Variants in PACS1 observed in about 807,000 individuals in gnomAD.
PACS1 encodes the protein phosphofurin acidic cluster sorting protein 1.
PACS1 carries 24 observed loss-of-function variants against 115.0 expected under a neutral mutation model. The ratio of observed to expected loss-of-function variants is 0.21; its 90% confidence interval spans 0.15 to 0.29. The LOEUF is 0.29. PACS1 is among the 10% of genes least tolerant of loss of function. PACS1 has a pLI of 1.00. For synonymous variants in PACS1, 453 were observed against 504.5 expected, an observed-to-expected ratio of 0.90 and a Z score of 1.37; for missense variants, 838 against 1,251.2, an observed-to-expected ratio of 0.67 and a Z score of 4.98.
intron 1 of PACS1, among the ~76,000 whole-genome samples, chr11:66,097,267 G>A (rs1037869365): frequency 5.3e-5 from 8 of 152,150 alleles, no homozygotes; most frequent in Non-Finnish European, 1.2e-4. Context: ...GTGACAGGAT[G>A]TGTATGGTCA....
intron 2 of PACS1, among the ~76,000 whole-genome samples, chr11:66,205,771 G>A (rs1854921471): frequency 1.3e-5 from 2 of 151,246 alleles, no homozygotes; most frequent in Non-Finnish European, 2.9e-5. Context: ...TGGGATTACA[G>A]GCATGAGCCA....
intron 1 of PACS1, among the ~76,000 whole-genome samples, chr11:66,189,468 T>A (rs1854466270): frequency 6.6e-6 from 1 of 152,246 alleles, no homozygotes; most frequent in African/African-American, 2.4e-5. Flanking sequence ...CATATTATCC[T>A]ATGATGTTTT....
intron 1 of PACS1, among the ~76,000 whole-genome samples, chr11:66,192,654 C>T (rs948067823): frequency 1.3e-5 from 2 of 152,206 alleles, no homozygotes; most frequent in Non-Finnish European, 2.9e-5. Flanking sequence ...CTCATGTGTA[C>T]CGTTCCCCAG....
At chr11:66,154,306 G>A (rs1859307602) in intron 1 of PACS1, among the ~76,000 whole-genome samples, 1 of 152,052 alleles carries the variant, frequency 6.6e-6, no homozygotes. Flanking sequence ...TATTGTAGTG[G>A]TGCACACCTG....
In PACS1 at chr11:66,230,915, C is replaced by T; in HGVS notation, c.1601C>T (p.Ser534Phe). The T allele has an allele frequency of 6.2e-7, 1 of 1,614,114 alleles. No individual in the cohort carries two copies. The highest frequency in any genetic ancestry group is 8.5e-7 in the Non-Finnish European group (1 of 1,179,978). Reference sequence around the variant, plus strand: ...ACCAACAGTTCCGACAGCGAGCGCTCCCCAGATCTGGGCCACAGCACGCAG... The same window carrying T: ...ACCAACAGTTCCGACAGCGAGCGCTTCCCAGATCTGGGCCACAGCACGCAG... Reference protein sequence around the residue: ...ERTNSSDSERSPDLGHSTQIP... With the variant: ...ERTNSSDSERFPDLGHSTQIP... Residue 534 changes from serine to phenylalanine, a missense_variant, in exon 13 of 24, where the codon TCC becomes TTC. Physicochemically the swap from Ser to Phe is radical, Grantham distance 155. Around this residue, in one of 6 missense-constraint regions of PACS1, gnomAD observed 383 missense variants for 537.0 expected, o/e 0.71. Transcript: ENST00000320580.
At chr11:66,188,659 T>C (rs1046274760) in intron 1 of PACS1, among the ~76,000 whole-genome samples, 2 of 152,128 alleles carry the variant, frequency 1.3e-5, no homozygotes, top group African/African-American at 4.8e-5. Context: ...CGCCCACCAG[T>C]GAAACACAGG....
intron 1 of PACS1, among the ~76,000 whole-genome samples, chr11:66,108,900 T>TC (rs1159562326): frequency 1.3e-5 from 2 of 152,108 alleles, no homozygotes; most frequent in African/African-American, 4.8e-5. Context: ...GCCCAAGAGT[T>TC]CAGGGCTGCA....
At chr11:66,188,392 A>AACAC (rs1554986811) in intron 1 of PACS1, among the ~76,000 whole-genome samples, 1 of 151,860 alleles carries the variant, frequency 6.6e-6, no homozygotes, top group Non-Finnish European at 1.5e-5. Flanking sequence ...GACACACACA[A>AACAC]ACACACACAC....
chr11:66,147,524 A>G (rs1859154788), intron 1 of PACS1, among the ~76,000 whole-genome samples: 1 of 152,226 alleles, frequency 6.6e-6, no homozygotes, highest in Non-Finnish European at 1.5e-5. Flanking sequence ...TAACAATGGA[A>G]ACTTGAGTCA....
At chr11:66,143,665 A>C (rs1859053870) in intron 1 of PACS1, among the ~76,000 whole-genome samples, 1 of 152,004 alleles carries the variant, frequency 6.6e-6, no homozygotes, top group African/African-American at 2.4e-5. Flanking sequence ...TTTAAGACAG[A>C]GTCTTACTCT....
intron 7 of PACS1, chr11:66,218,025 T>C (rs1279283474): frequency 1.2e-5 from 2 of 167,662 alleles, no homozygotes; most frequent in African/African-American, 4.8e-5. Flanking sequence ...GCAGGCACTT[T>C]CCAGTTCTAT....
intron 1 of PACS1, among the ~76,000 whole-genome samples, chr11:66,192,715 A>G (rs1049338360): frequency 1.3e-5 from 2 of 152,212 alleles, no homozygotes; most frequent in Admixed American, 6.5e-5. Flanking sequence ...CCAGGCAGCC[A>G]TAGAAAGGCA....
At chr11:66,190,984 G>T (rs1854507186) in intron 1 of PACS1, among the ~76,000 whole-genome samples, 1 of 152,200 alleles carries the variant, frequency 6.6e-6, no homozygotes, top group Non-Finnish European at 1.5e-5. Flanking sequence ...CTGCTGCTGT[G>T]ACGAGTGGCC....
At chr11:66,135,537 C>T (rs1453557726) in intron 1 of PACS1, among the ~76,000 whole-genome samples, 1 of 152,168 alleles carries the variant, frequency 6.6e-6, no homozygotes, top group Non-Finnish European at 1.5e-5. Context: ...ACTAGTATTA[C>T]AGAGCGATTT....
In PACS1 at chr11:66,070,848, C is replaced by T; in HGVS notation, c.356+6C>T. The T allele has an allele frequency of 1.4e-6, 2 of 1,467,734 alleles. No homozygotes were observed. Among genetic ancestry groups the T allele is most frequent in the Non-Finnish European group, 1.8e-6 (2 of 1,116,984 alleles). 90.9% of individuals were successfully genotyped at this position (1,467,734 alleles called of 1,614,324 possible). ...TCGTCCAGCTGCGTGCCTAGGTGAG[C>T]GCGGGAGGGTGCGGCGGGGCGCCGG... is the stretch of plus-strand genomic sequence containing the variant. On this transcript the variant is annotated splice_donor_region_variant and intron_variant, in intron 1 of 23. Transcript: ENST00000320580. The surrounding 1 kb of genome is among the most constrained non-coding windows in gnomAD (Gnocchi z 5.9).
intron 1 of PACS1, among the ~76,000 whole-genome samples, chr11:66,086,434 G>A (rs994044837): frequency 8.6e-5 from 13 of 152,008 alleles, no homozygotes; most frequent in African/African-American, 2.9e-4. Context: ...CACCGCGCCC[G>A]GCCTGTAAGA....
intron 1 of PACS1, among the ~76,000 whole-genome samples, chr11:66,125,840 G>C (rs1267401883): frequency 6.6e-6 from 1 of 152,148 alleles, no homozygotes; most frequent in Non-Finnish European, 1.5e-5. Context: ...GGGAGTTCAA[G>C]ACCAGCCTGG....
intron 1 of PACS1, among the ~76,000 whole-genome samples, chr11:66,186,267 C>G (rs890894863): frequency 6.6e-6 from 1 of 151,368 alleles, no homozygotes; most frequent in Non-Finnish European, 1.5e-5. Context: ...CAGAGCAAGA[C>G]CCTGTCTCTT....
intron 1 of PACS1, among the ~76,000 whole-genome samples, chr11:66,157,662 G>T (rs1362662700): frequency 6.6e-6 from 1 of 152,050 alleles, no homozygotes; most frequent in Non-Finnish European, 1.5e-5. Context: ...TATTCAGCCA[G>T]ATCTTTCCAC....
Sources: allele counts gnomAD v4.1 joint callset (sites outside exome capture counted in the v4.1 genomes callset), GRCh38; gene constraint gnomAD v4.1.1; regional missense constraint gnomAD v4.1.1; non-coding constraint Gnocchi (gnomAD v3.1); transcripts MANE v1.5; gene names NCBI Gene and HGNC (gene_info 2026-07-23, HGNC 2026-07-21).